ZNF534: variants seen among roughly 807,000 people sequenced by gnomAD.
ZNF534 encodes the protein KRAB domain only 3.
In ZNF534, 19 loss-of-function variants were observed where a neutral mutation model predicts 13.6. That is an observed-to-expected ratio of 1.40 (90% CI 0.97 to 2.05). The LOEUF is 2.05. ZNF534 is among the 30% of genes most tolerant of loss of function. The pLI, the probability that ZNF534 is intolerant of heterozygous loss-of-function variation, is 0.00. For synonymous variants in ZNF534, 244 were observed against 273.8 expected (o/e 0.89, Z 1.07); for missense variants, 782 against 796.3 (o/e 0.98, Z 0.22).
chr19:52,449,049 C>T (rs753878261), intron 4 of ZNF534, among the ~76,000 whole-genome samples: 2 of 152,110 alleles, frequency 1.3e-5, no homozygotes, highest in Non-Finnish European at 2.9e-5. Context: ...CTACTCTCTA[C>T]CTCCATGAGA....
intron 1 of ZNF534, among the ~76,000 whole-genome samples, chr19:52,429,625 T>G (rs1259154330): frequency 6.6e-6 from 1 of 151,584 alleles, no homozygotes; most frequent in Non-Finnish European, 1.5e-5. Flanking sequence ...GACTGAGTTT[T>G]GCTCTTGTTG....
At chr19:52,451,900 C>A in exon 5 of ZNF534, 1 of 576,186 alleles carries the variant, frequency 1.7e-6, no homozygotes, top group Non-Finnish European at 3.2e-6. Context: ...TTGGATGACA[C>A]CAAAAGGGGA....
intron 2 of ZNF534, among the ~76,000 whole-genome samples, chr19:52,433,073 T>C (rs73098626): frequency 6.6e-6 from 1 of 151,644 alleles, no homozygotes; most frequent in South Asian, 2.1e-4. Flanking sequence ...TGAGACTCTA[T>C]CTCTACAAAA....
chr19:52,451,660 G>T, exon 5 of ZNF534: 1 of 657,520 alleles, frequency 1.5e-6, no homozygotes, highest in South Asian at 1.9e-5. Flanking sequence ...CGGACATTCA[G>T]ACAGCGCTTC....
intron 4 of ZNF534, among the ~76,000 whole-genome samples, chr19:52,448,620 TTG>T (rs2059202208): frequency 6.6e-6 from 1 of 152,110 alleles, no homozygotes; most frequent in African/African-American, 2.4e-5. Flanking sequence ...ATTGCATTAT[TTG>T]GGCATTATTT....
chr19:52,438,960 C>A lies in ZNF534; in HGVS notation c.1500C>A (p.Gly500=). The A allele has an allele frequency of 6.2e-7, 1 of 1,604,790 alleles. No homozygotes were observed. The highest frequency in any genetic ancestry group is 1.7e-5 in the Admixed American group (1 of 58,310). ...AGCTTTACAAATGTAATGAATGTGG[C>A]AAGGTCTTCCGTCAGAATTCACACC... The part of the protein sequence containing the change: ...GEKLYKCNEC[G]KVFRQNSHLA... The change falls in exon 5 of 5, where the codon GGC becomes GGA. Residue 500 remains glycine (G), a synonymous_variant. Coordinates refer to ENST00000433050, the MANE Select transcript of ZNF534 (RefSeq NM_001143938.3).
At position 52,451,363 on chromosome 19, in the gene ZNF534, G is replaced by T. The variant is rs560934982; in HGVS notation, c.448G>T (p.Ala150Ser). 2.8e-5 allele frequency: 28 copies of T among 999,814 alleles called. No homozygotes were observed. In the African/African-American group the frequency reaches 3.7e-4, roughly 13 times the overall value. 61.9% of individuals were successfully genotyped at this position (999,814 alleles called of 1,614,324 possible). ...TGCTTCGCTTGGCGATGCAAAACGC[G>T]CGAGGCTCACGGCAGAGGGCCGAGG... The change falls in exon 5 of 5, where the codon GCG becomes TCG. Residue 150 changes from alanine (A) to serine (S), a missense_variant. Physicochemically the swap from Ala to Ser is moderately conservative, Grantham distance 99. Transcript: ENST00000301085.
downstream of ZNF534, among the ~76,000 whole-genome samples, chr19:52,446,426 A>G (rs1029135146): frequency 1.3e-5 from 2 of 152,154 alleles, no homozygotes; most frequent in South Asian, 2.1e-4. Flanking sequence ...TTGTATGTCA[A>G]CGGTGCATCC....
chr19:52,434,337 T>A (rs748744489), intron 3 of ZNF534, among the ~76,000 whole-genome samples: 19 of 150,984 alleles, frequency 1.3e-4, no homozygotes, highest in Non-Finnish European at 2.5e-4. Flanking sequence ...CAAAAAAGGG[T>A]GCCTGTAGTC....
rs528713870 is a variant in ZNF534, at chr19:52,440,220, A to G, written c.*774A>G. On this transcript the variant is annotated 3_prime_UTR_variant, in exon 5 of 5. Transcript: ENST00000433050. Reference sequence around the variant, plus strand: ...AGAATACAAGAAGGTCTTCAGGCACATGTTTTCCCTAACCTCTCATCAAGA... The same window carrying G: ...AGAATACAAGAAGGTCTTCAGGCACGTGTTTTCCCTAACCTCTCATCAAGA... 4.2e-4 allele frequency among the ~76,000 whole-genome samples: 64 copies of G among 152,346 alleles called. 1 individual carries two copies. The highest frequency in any genetic ancestry group is 1.5e-3 in the African/African-American group (64 of 41,576).
chr19:52,443,541 G>C (rs1040184658), downstream of ZNF534, among the ~76,000 whole-genome samples: 14 of 152,122 alleles, frequency 9.2e-5, no homozygotes, highest in Non-Finnish European at 1.8e-4. Flanking sequence ...CACCAGGTCA[G>C]GAGTTCAAGA....
At chr19:52,451,714 G>A in exon 5 of ZNF534, 1 of 679,724 alleles carries the variant, frequency 1.5e-6, no homozygotes, top group South Asian at 1.7e-5. Flanking sequence ...TGGCTTGGCT[G>A]CAAAACACTT....
chr19:52,449,648 A>G (rs536926904), intron 4 of ZNF534, among the ~76,000 whole-genome samples: 8 of 152,098 alleles, frequency 5.3e-5, no homozygotes, highest in African/African-American at 1.7e-4. Flanking sequence ...GCATTTTTTC[A>G]TAGGCCTGTT....
At chr19:52,436,010 C>T (rs1382782067) in intron 4 of ZNF534, among the ~76,000 whole-genome samples, 1 of 146,708 alleles carries the variant, frequency 6.8e-6, no homozygotes, top group Non-Finnish European at 1.5e-5. Context: ...GATCTTGGCT[C>T]ACTGCAAGCT....
At chr19:52,429,418 G>T (rs1167237070) in intron 1 of ZNF534, among the ~76,000 whole-genome samples, 174 bp downstream of exon 1, 2 of 152,156 alleles carry the variant, frequency 1.3e-5, no homozygotes, top group Admixed American at 1.3e-4. Context: ...TGTTAAAACC[G>T]CTTGGAGGCT....
chr19:52,451,245 C>T (rs751464408), exon 5 of ZNF534: 15 of 756,714 alleles, frequency 2.0e-5, no homozygotes, highest in Non-Finnish European at 2.8e-5. Flanking sequence ...GGCGCGCGTC[C>T]GGAGGTGCTG....
chr19:52,446,773 G>A (rs1035327089), downstream of ZNF534, among the ~76,000 whole-genome samples: 1 of 152,164 alleles, frequency 6.6e-6, no homozygotes, highest in Non-Finnish European at 1.5e-5. Flanking sequence ...TGGGAGGATC[G>A]CTTGAGCAAG....
intron 2 of ZNF534, among the ~76,000 whole-genome samples, chr19:52,432,979 A>C (rs1242925051): frequency 2.0e-5 from 3 of 152,102 alleles, no homozygotes; most frequent in Admixed American, 6.6e-5. Context: ...GTGGTAGCTC[A>C]TGCCTGTAAT....
Position 52,431,408 on chromosome 19 carries a change from G to T in ZNF534, c.-67G>T. ...TAAACAGCATTATTTTTGATACTAG[G>T]ATTCACTTTCAAAGAGACATATTAT... On this transcript the variant is annotated splice_region_variant and 5_prime_UTR_variant, in exon 2 of 5. Coordinates refer to ENST00000433050, the MANE Select transcript of ZNF534 (RefSeq NM_001143938.3). The T allele has an allele frequency of 6.2e-7, 1 of 1,603,940 alleles. No homozygotes were observed. Among genetic ancestry groups the T allele is most frequent in the Admixed American group, 1.7e-5 (1 of 59,898 alleles).
Sources: allele counts gnomAD v4.1 joint callset (sites outside exome capture counted in the v4.1 genomes callset), GRCh38; gene constraint gnomAD v4.1.1; transcripts MANE v1.5; gene names NCBI Gene and HGNC (gene_info 2026-07-23, HGNC 2026-07-21).